The following PLBD1 variants were observed in gnomAD, a reference collection of about 807,000 sequenced individuals.
PLBD1 encodes lysosomal leucine aminopeptidase.
In PLBD1, 60 loss-of-function variants were observed where a neutral mutation model predicts 63.0. The observed-to-expected ratio is 0.95, with a 90% CI of 0.77 to 1.18. PLBD1 has a LOEUF of 1.18. PLBD1 is among the 50% of genes most tolerant of loss of function. PLBD1 has a pLI of 0.00. For synonymous variants in PLBD1, 262 were observed against 248.0 expected (o/e 1.06, Z -0.53); for missense variants, 598 against 677.9 (o/e 0.88, Z 1.31).
At chr12:14,506,874 G>C (rs12825370) in intron 9 of PLBD1, 59 bp downstream of exon 9, 41,756 of 1,472,018 alleles carry the variant, frequency 0.028, 668 homozygotes, top group African/African-American at 0.047. Flanking sequence ...CATGGATTCT[G>C]TATCCATAGG....
intron 1 of PLBD1, among the ~76,000 whole-genome samples, chr12:14,565,719 C>T (rs929006187): frequency 6.6e-6 from 1 of 152,012 alleles, no homozygotes; most frequent in Non-Finnish European, 1.5e-5. Flanking sequence ...AGACAAAGAC[C>T]CAAAAAGCCT....
At chr12:14,565,005 C>T (rs1449822522) in intron 1 of PLBD1, among the ~76,000 whole-genome samples, 1 of 152,114 alleles carries the variant, frequency 6.6e-6, no homozygotes, top group Non-Finnish European at 1.5e-5. Context: ...ATATAAGGAC[C>T]TTCTAAAATC....
intron 1 of PLBD1, chr12:14,553,692 G>C (rs1042723819): frequency 2.0e-6 from 1 of 492,294 alleles, no homozygotes; most frequent in Non-Finnish European, 3.7e-6. Flanking sequence ...TAGAGGGTGG[G>C]AATCTGGGCA....
At chr12:14,565,986 C>T (rs1332191303) in intron 1 of PLBD1, among the ~76,000 whole-genome samples, 2 of 152,180 alleles carry the variant, frequency 1.3e-5, no homozygotes, top group South Asian at 2.1e-4. Flanking sequence ...GTGGTACCTT[C>T]TTGAATAAAT....
chr12:14,511,191 C>CA, intron 8 of PLBD1, 69 bp downstream of exon 8: 1 of 1,274,788 alleles, frequency 7.8e-7, no homozygotes. Context: ...ACACAATGTG[C>CA]ATTCCCCTAC....
chr12:14,540,828 A>G lies in PLBD1; in HGVS notation c.494T>C (p.Val165Ala), dbSNP rs1945565561. Residue 165 changes from valine (V) to alanine (A), a missense_variant, in exon 4 of 11, where the codon GTG becomes GCG. Transcript: ENST00000240617. ...ATAGAGGCCATCTATTTGTGCCATC[A>G]CATAGCCTGTATGTCTCCAAAATGA... is the stretch of plus-strand genomic sequence containing the variant. ...TDSFWRHTGY[V>A]MAQIDGLYVG... The G allele has an allele frequency of 6.2e-7, 1 of 1,611,292 alleles. No individual in the cohort carries two copies. Among genetic ancestry groups the G allele is most frequent in the Non-Finnish European group, 8.5e-7 (1 of 1,178,162 alleles).
chr12:14,567,814 G>T lies in PLBD1; in HGVS notation c.-118C>A. The stretch of plus-strand genomic sequence containing the variant: ...GGGCGCCGCCTCTCCGAGGTGGGGC[G>T]TCCTCAACTTTCCTCTTTCTTGAGC... On this transcript the variant is annotated 5_prime_UTR_variant, in exon 1 of 11. Coordinates refer to ENST00000240617, the MANE Select transcript of PLBD1 (RefSeq NM_024829.6). The T allele has an allele frequency of 7.8e-7, 1 of 1,285,874 alleles. No individual in the cohort carries two copies. The highest frequency in any genetic ancestry group is 1.0e-6 in the Non-Finnish European group (1 of 1,001,532). 79.7% of individuals were successfully genotyped at this position (1,285,874 alleles called of 1,614,324 possible). A position where few individuals can be genotyped will look rare whatever the true frequency, so the allele number is the denominator to read the frequency against.
chr12:14,507,908 T>C (rs1224452474), intron 8 of PLBD1, among the ~76,000 whole-genome samples: 1 of 152,212 alleles, frequency 6.6e-6, no homozygotes, highest in Non-Finnish European at 1.5e-5. Flanking sequence ...TGGCCTGGGT[T>C]ACTGCCTACA....
At chr12:14,518,162 C>A (rs115465010) in intron 6 of PLBD1, among the ~76,000 whole-genome samples, 2,715 of 152,224 alleles carry the variant, frequency 0.018, 72 homozygotes, top group African/African-American at 0.062. Context: ...TCCTGGGTAA[C>A]AGAGTGAGAT....
In PLBD1 at chr12:14,503,765, C is replaced by T; in HGVS notation, c.*7G>A. 4 of 1,609,166 alleles carry T rather than the reference C, an allele frequency of 2.5e-6. No individual in the cohort carries two copies. Among genetic ancestry groups the T allele is most frequent in the Non-Finnish European group, 3.4e-6 (4 of 1,175,940 alleles). ...TTTACAGTCTTCTAGTCCGTCATCTCCCTCCTTCATTTTATATCAAGTTTC... is the reference window on the plus strand; with the variant it reads ...TTTACAGTCTTCTAGTCCGTCATCTTCCTCCTTCATTTTATATCAAGTTTC... On this transcript the variant is annotated 3_prime_UTR_variant, in exon 11 of 11. Coordinates refer to ENST00000240617, the MANE Select transcript of PLBD1 (RefSeq NM_024829.6).
intron 1 of PLBD1, among the ~76,000 whole-genome samples, chr12:14,558,695 T>TC (rs1359468606): frequency 6.6e-6 from 1 of 152,204 alleles, no homozygotes; most frequent in Non-Finnish European, 1.5e-5. Context: ...AGGCCTGCCT[T>TC]CCCCTTCCCT....
In PLBD1 at chr12:14,510,343, G is replaced by A. The variant is rs183127327; in HGVS notation, c.1186+917C>T. ...CGAAAGGCAGAGGTTGCAGGGAGCC[G>A]AGATCGCACCACCGTACTCCAGCCT... On this transcript the variant is annotated intron_variant, in intron 8 of 10. Transcript: ENST00000240617. Among the ~76,000 whole-genome samples, 695 of 151,624 alleles carry A rather than the reference G, an allele frequency of 4.6e-3. 3 individuals carry two copies. Among genetic ancestry groups the A allele is most frequent in the African/African-American group, 0.016 (649 of 41,298 alleles).
intron 6 of PLBD1, among the ~76,000 whole-genome samples, chr12:14,529,307 T>G (rs1347855285): frequency 6.6e-6 from 1 of 152,020 alleles, no homozygotes; most frequent in Admixed American, 6.6e-5. Flanking sequence ...GAGGATAAGC[T>G]TATCCTAAAA....
intron 2 of PLBD1, among the ~76,000 whole-genome samples, chr12:14,543,668 T>G (rs890562186): frequency 6.6e-6 from 1 of 152,136 alleles, no homozygotes; most frequent in Admixed American, 6.5e-5. Context: ...GAGGTTGCAG[T>G]GAGCCAAGAT....
At chr12:14,528,562 C>T (rs759450078) in intron 6 of PLBD1, among the ~76,000 whole-genome samples, 6 of 151,980 alleles carry the variant, frequency 3.9e-5, no homozygotes, top group Non-Finnish European at 5.9e-5. Flanking sequence ...ACAAAATATA[C>T]CAAAATTTGT....
At chr12:14,544,136 CT>C (rs1244618193) in intron 2 of PLBD1, among the ~76,000 whole-genome samples, 7 of 152,026 alleles carry the variant, frequency 4.6e-5, no homozygotes, top group African/African-American at 1.5e-4. Flanking sequence ...GTCTCATCTG[CT>C]GCATTATAGC....
At position 14,528,169 on chromosome 12, in the gene PLBD1, G is replaced by T. The variant is rs1165972458; in HGVS notation, c.844+7490C>A. Among the ~76,000 whole-genome samples the T allele has an allele frequency of 2.0e-5, 3 of 152,040 alleles. No homozygotes were observed. In the East Asian group the frequency reaches 5.8e-4, roughly 29 times the overall value. ...TATAAATATTTCTTTTGTAGTAAATGATTAACAAATAGAAAATCAGTTAAG... is the reference window on the plus strand; with the variant it reads ...TATAAATATTTCTTTTGTAGTAAATTATTAACAAATAGAAAATCAGTTAAG... On this transcript the variant is annotated intron_variant, in intron 6 of 10. Coordinates refer to ENST00000240617, the MANE Select transcript of PLBD1 (RefSeq NM_024829.6).
chr12:14,529,253 C>T (rs1290899694), intron 6 of PLBD1, among the ~76,000 whole-genome samples: 2 of 151,786 alleles, frequency 1.3e-5, no homozygotes, highest in Non-Finnish European at 2.9e-5. Flanking sequence ...TATACATGCT[C>T]TTAAAACACT....
At chr12:14,553,099 C>G in intron 2 of PLBD1, 94 bp downstream of exon 2, 1 of 1,137,588 alleles carries the variant, frequency 8.8e-7, no homozygotes. Context: ...CTCTTCAGTT[C>G]TAATGTGCAA....
Sources: allele counts gnomAD v4.1 joint callset (sites outside exome capture counted in the v4.1 genomes callset), GRCh38; gene constraint gnomAD v4.1.1; transcripts MANE v1.5; gene names NCBI Gene and HGNC (gene_info 2026-07-23, HGNC 2026-07-21).